The following EVC2 variants were observed in gnomAD, a reference collection of about 807,000 sequenced individuals.
EVC2 encodes the protein limbin.
Under a neutral mutation model 149.3 loss-of-function variants are expected in EVC2, and 148 were observed. The ratio of observed to expected loss-of-function variants is 0.99; its 90% CI spans 0.87 to 1.14. The LOEUF (loss-of-function observed/expected upper bound fraction) is 1.14, where lower values mean the gene tolerates loss of function less well. Ranked by LOEUF, EVC2 falls within the 50% of genes most tolerant of loss-of-function variation. The pLI, the probability that EVC2 is intolerant of heterozygous loss-of-function variation, is 0.00. For synonymous variants in EVC2, 776 were observed against 649.9 expected, an observed-to-expected ratio of 1.19 and a Z score of -2.95; for missense variants, 1,854 against 1,627.3, an observed-to-expected ratio of 1.14 and a Z score of -2.40.
At chr4:5,574,952 A>G (rs186165387) in intron 18 of EVC2, among the ~76,000 whole-genome samples, 180 bp from the exon 19 acceptor site, 135 of 152,354 alleles carry the variant, frequency 8.9e-4, no homozygotes, top group African/African-American at 3.1e-3. Context: ...TACTTTGCAC[A>G]TAACATGTCA....
At chr4:5,635,846 C>T (rs1357209137) in intron 10 of EVC2, among the ~76,000 whole-genome samples, 2 of 152,084 alleles carry the variant, frequency 1.3e-5, no homozygotes, top group African/African-American at 4.8e-5. Flanking sequence ...GTATAGAAGA[C>T]GAACCCCAGA....
At chr4:5,590,486 C>A (rs1200420162) in intron 16 of EVC2, among the ~76,000 whole-genome samples, 1 of 152,090 alleles carries the variant, frequency 6.6e-6, no homozygotes, top group Admixed American at 6.5e-5. Flanking sequence ...ATTAGGTTTT[C>A]TTCCCTGAGC....
intron 1 of EVC2, chr4:5,707,919 C>T (rs1722320355): frequency 5.8e-6 from 1 of 173,696 alleles, no homozygotes; most frequent in Admixed American, 6.3e-5. Flanking sequence ...CATATGTGAG[C>T]TCATCTAACC....
intron 7 of EVC2, among the ~76,000 whole-genome samples, chr4:5,668,336 G>A (rs1719407666): frequency 6.6e-6 from 1 of 152,202 alleles, no homozygotes; most frequent in Admixed American, 6.5e-5. Context: ...AAAGTGTGAT[G>A]CCACTTATAA....
chr4:5,694,416 C>T lies in EVC2; in HGVS notation c.369G>A (p.Trp123Ter). ...LSTSAASSGP[W>*]AHSLFAFIPS... The stretch of plus-strand genomic sequence containing the variant: ...GTATAAAAGCAAATAAGGAATGAGC[C>T]CATGGCCCACTAGAGGCTGCAGAAG... Residue 123 changes from tryptophan (W) to a stop codon, truncating the protein, a stop_gained, in exon 3 of 22, where the codon TGG becomes TGA. Transcript: ENST00000344408. LOFTEE classifies it high-confidence loss of function. The T allele has an allele frequency of 6.2e-7, 1 of 1,614,088 alleles. No individual in the cohort carries two copies. Among genetic ancestry groups the T allele is most frequent in the Non-Finnish European group, 8.5e-7 (1 of 1,180,022 alleles).
intron 17 of EVC2, among the ~76,000 whole-genome samples, chr4:5,580,795 C>CTCATATGGTT (rs1458805496): frequency 2.4e-3 from 1 of 412 alleles, no homozygotes; most frequent in Non-Finnish European, 4.9e-3. Flanking sequence ...CAATTAAAGA[C>CTCATATGGTT]TGAATTTGTC....
In EVC2 at chr4:5,708,541, C is replaced by G. The variant is rs1260539387; in HGVS notation, c.-28G>C. The stretch of plus-strand genomic sequence containing the variant: ...CCTGTCGGGACCCGCTACCTCAAAG[C>G]GGCGGGTGCCGCCGAGTCGCTGGAG... On this transcript the variant is annotated 5_prime_UTR_variant, in exon 1 of 22. Transcript: ENST00000344408. The G allele has an allele frequency of 3.6e-6, 5 of 1,391,932 alleles. No homozygotes were observed. The highest frequency in any genetic ancestry group is 4.7e-6 in the Non-Finnish European group (5 of 1,072,182). 86.2% of individuals were successfully genotyped at this position (1,391,932 alleles called of 1,614,324 possible).
intron 21 of EVC2, among the ~76,000 whole-genome samples, chr4:5,553,747 A>G (rs973044592): frequency 1.1e-4 from 17 of 152,352 alleles, no homozygotes; most frequent in African/African-American, 4.1e-4. Flanking sequence ...GAAAAAATAA[A>G]GCCTTACACA....
intron 17 of EVC2, among the ~76,000 whole-genome samples, chr4:5,584,210 C>T (rs1391657783): frequency 6.6e-6 from 1 of 151,974 alleles, no homozygotes; most frequent in African/African-American, 2.4e-5. Flanking sequence ...ACGGATATAC[C>T]TCTCACATTT....
intron 21 of EVC2, among the ~76,000 whole-genome samples, chr4:5,548,631 G>T (rs1421920509): frequency 1.3e-5 from 2 of 152,034 alleles, no homozygotes; most frequent in Non-Finnish European, 2.9e-5. Context: ...ATCATTTTGT[G>T]GTTGATTATT....
rs1380528498 is a variant in EVC2 at position 5,567,578 on chromosome 4, G to A, written c.3557+866C>T. Among the ~76,000 whole-genome samples, 1 of 151,940 alleles carries A rather than the reference G, an allele frequency of 6.6e-6. No homozygotes were observed. The highest frequency in any genetic ancestry group is 2.4e-5 in the African/African-American group (1 of 41,338). ...ATTCCCCACCTACTCCATCCTCAAG[G>A]GGTACTGCTGGCTGCCCCCCAAACC... is the stretch of plus-strand genomic sequence containing the variant. On this transcript the variant is annotated intron_variant, in intron 20 of 21. Transcript: ENST00000344408. This position sits in a 1 kb window ranked among gnomAD's most constrained non-coding sequence, Gnocchi z 4.4.
At chr4:5,599,821 G>A (rs1399408681) in intron 16 of EVC2, among the ~76,000 whole-genome samples, 2 of 152,184 alleles carry the variant, frequency 1.3e-5, no homozygotes, top group African/African-American at 4.8e-5. Context: ...GATACCCAGA[G>A]CAGGTAAAAA....
In EVC2 at chr4:5,562,588, T is replaced by G; in HGVS notation, c.*260A>C. On this transcript the variant is annotated 3_prime_UTR_variant, in exon 22 of 22. Transcript: ENST00000344408. The surrounding 1 kb of genome is among the most constrained non-coding windows in gnomAD (Gnocchi z 4.3). ...TGGGGTGTGGATTGCAGGGTGGGGG[T>G]CTCCTCCAGGGCCCTGGGGAGGTGG... is the stretch of plus-strand genomic sequence containing the variant. 7.4e-7 allele frequency: 1 copy of G among 1,359,132 alleles called. No individual in the cohort carries two copies. Among genetic ancestry groups the G allele is most frequent in the Non-Finnish European group, 9.5e-7 (1 of 1,054,012 alleles). The allele number at this position is 1,359,132 out of a possible 1,614,324, so 84.2% of individuals were successfully genotyped here.
At chr4:5,602,744 G>C (rs1024456689) in intron 16 of EVC2, among the ~76,000 whole-genome samples, 10 of 152,198 alleles carry the variant, frequency 6.6e-5, no homozygotes, top group African/African-American at 1.4e-4. Context: ...TAATGAAAGG[G>C]CTGATTTGTG....
chr4:5,603,245 G>C (rs761414851), intron 16 of EVC2, among the ~76,000 whole-genome samples: 1 of 152,106 alleles, frequency 6.6e-6, no homozygotes, highest in Non-Finnish European at 1.5e-5. Flanking sequence ...ATTTTATTGG[G>C]GTCAGTGGGA....
upstream of EVC2, chr4:5,708,864 CT>C (rs1722393341): frequency 4.7e-6 from 1 of 214,886 alleles, no homozygotes; most frequent in African/African-American, 2.3e-5. Context: ...CGCACTTCCC[CT>C]GGGAACGGTT....
intron 19 of EVC2, among the ~76,000 whole-genome samples, chr4:5,571,219 G>A (rs760415473): frequency 1.3e-5 from 2 of 150,044 alleles, no homozygotes; most frequent in Admixed American, 6.7e-5. Flanking sequence ...TCAGGAGGCC[G>A]AGGCAGGGGA....
At position 5,625,983 on chromosome 4, in the gene EVC2, C is replaced by T; in HGVS notation, c.1887-75G>A. The T allele has an allele frequency of 6.5e-7, 1 of 1,545,772 alleles. No homozygotes were observed. The highest frequency in any genetic ancestry group is 1.1e-5 in the South Asian group (1 of 89,208). ...TAGCTTAACTGCTATTGTGCCTGAACATTCATCTCCATATTAGTTTGGTTT... is the reference window on the plus strand; with the variant it reads ...TAGCTTAACTGCTATTGTGCCTGAATATTCATCTCCATATTAGTTTGGTTT... On this transcript the variant is annotated intron_variant, in intron 12 of 21. Transcript: ENST00000344408. This position sits in a 1 kb window ranked among gnomAD's most constrained non-coding sequence, Gnocchi z 4.0.
chr4:5,632,018 G>A lies in EVC2; in HGVS notation c.1485C>T (p.Cys495=), dbSNP rs911180448. Residue 495 remains cysteine, a synonymous_variant, in exon 11 of 22, where the codon TGC becomes TGT. Coordinates refer to ENST00000344408, the MANE Select transcript of EVC2 (RefSeq NM_147127.5). ...KRAGERSAVE[C]SNLLRTLHGL... ...CATGGAGGGTCCGCAGAAGGTTGCT[G>A]CACTCTACAGCAGACTGGAGAGAGG... 3.7e-6 allele frequency: 6 copies of A among 1,613,974 alleles called. No homozygotes were observed. Among genetic ancestry groups the A allele is most frequent in the Non-Finnish European group, 5.1e-6 (6 of 1,180,004 alleles).
Sources: gnomAD v4.1 joint callset for allele counts (sites outside exome capture counted in the v4.1 genomes callset) on GRCh38, gnomAD v4.1.1 for gene constraint, Gnocchi (gnomAD v3.1) non-coding constraint, MANE v1.5 for transcripts, NCBI Gene and HGNC (gene_info 2026-07-23, HGNC 2026-07-21) for gene names.